Variants in ODF1 observed in about 807,000 individuals in gnomAD.
ODF1 encodes the protein outer dense fiber protein 1.
A neutral mutation model predicts 24.0 loss-of-function variants in ODF1; 10 were observed. That is an observed-to-expected ratio of 0.42 (90% CI 0.26 to 0.71). The LOEUF (loss-of-function observed/expected upper bound fraction) is 0.71. Ranked by LOEUF, ODF1 falls within the 30% of genes least tolerant of loss-of-function variation. ODF1 has a pLI of 0.28. For missense variants in ODF1, 282 were observed against 307.9 expected, an observed-to-expected ratio of 0.92 and a Z score of 0.63; for synonymous variants, 118 against 121.3, an observed-to-expected ratio of 0.97 and a Z score of 0.18.
chr8:102,553,807 C>T (rs1425947547), intron 1 of ODF1, among the ~76,000 whole-genome samples: 2 of 152,324 alleles, frequency 1.3e-5, no homozygotes, highest in Admixed American at 6.5e-5. Flanking sequence ...GCTTAATTCT[C>T]GGCAGTGTAG....
chr8:102,557,890 G>A (rs1324240026), intron 1 of ODF1, among the ~76,000 whole-genome samples: 1 of 152,224 alleles, frequency 6.6e-6, no homozygotes, highest in Non-Finnish European at 1.5e-5. Flanking sequence ...CTTGGCCTTG[G>A]CTGCTCTGGC....
intron 1 of ODF1, among the ~76,000 whole-genome samples, chr8:102,553,409 A>G (rs1826072539): frequency 6.6e-6 from 1 of 150,712 alleles, no homozygotes; most frequent in East Asian, 1.9e-4. Context: ...ATTATTGTCT[A>G]GGTCACCAGC....
chr8:102,552,057 C>T lies in ODF1; in HGVS notation c.320+10C>T. Reference sequence around the variant, plus strand: ...AGCGAGAGCTTGCCAAGTAAAATAACTTATTTTTAAATTTTTATAGTCGGT... The same window carrying T: ...AGCGAGAGCTTGCCAAGTAAAATAATTTATTTTTAAATTTTTATAGTCGGT... On this transcript the variant is annotated intron_variant, in intron 1 of 1. Transcript: ENST00000285402. The T allele has an allele frequency of 6.4e-7, 1 of 1,560,888 alleles. No individual in the cohort carries two copies. Among genetic ancestry groups the T allele is most frequent in the Non-Finnish European group, 8.7e-7 (1 of 1,151,948 alleles).
At position 102,560,874 on chromosome 8, in the gene ODF1, T is replaced by C. The variant is rs1826176668; in HGVS notation, c.743T>C (p.Met248Thr). Residue 248 changes from methionine to threonine, a missense_variant, in exon 2 of 2, where the codon ATG (methionine) becomes ACG (threonine). Coordinates refer to ENST00000285402, the MANE Select transcript of ODF1 (RefSeq NM_024410.4). The part of the protein sequence containing the change: ...PCGSRFSCRK[M>T]IL Reference sequence around the variant, plus strand: ...GGAAGCCGATTTTCCTGTAGGAAGATGATTTTGTAAAGTGCGCATAGGAAC... The same window carrying C: ...GGAAGCCGATTTTCCTGTAGGAAGACGATTTTGTAAAGTGCGCATAGGAAC... 6.2e-7 allele frequency: 1 copy of C among 1,609,896 alleles called. No homozygotes were observed. The highest frequency in any genetic ancestry group is 8.5e-7 in the Non-Finnish European group (1 of 1,177,572).
At chr8:102,560,227 G>A (rs1001710084) in intron 1 of ODF1, among the ~76,000 whole-genome samples, 1 of 147,588 alleles carries the variant, frequency 6.8e-6, no homozygotes, top group Admixed American at 6.7e-5. Flanking sequence ...GGAAGGGCAG[G>A]CAGCACGCAT....
Position 102,560,620 on chromosome 8 carries a change from G to A in ODF1, c.489G>A (p.Ser163=), listed in dbSNP as rs1014554896. The A allele has an allele frequency of 5.0e-6, 8 of 1,614,074 alleles. No individual in the cohort carries two copies. Among genetic ancestry groups the A allele is most frequent in the Admixed American group, 3.3e-5 (2 of 60,010 alleles). ...AGAACAGGTACGACTGCCTTGGATC[G>A]AAAAAGTACAGCTACATGAACATCT... ...ERENRYDCLG[S]KKYSYMNICK... The change falls in exon 2 of 2, where the codon TCG becomes TCA. Residue 163 remains serine (S), a synonymous_variant. Transcript: ENST00000285402.
chr8:102,555,027 G>A (rs1826095408), intron 1 of ODF1, among the ~76,000 whole-genome samples: 1 of 152,068 alleles, frequency 6.6e-6, no homozygotes, highest in Admixed American at 6.6e-5. Context: ...TGCTTCAGAA[G>A]ACACCATGTT....
chr8:102,558,538 T>C (rs1434166024), intron 1 of ODF1, among the ~76,000 whole-genome samples: 1 of 152,228 alleles, frequency 6.6e-6, no homozygotes, highest in Non-Finnish European at 1.5e-5. Flanking sequence ...TTTGCCTCAG[T>C]GTCTTCTGGG....
intron 1 of ODF1, among the ~76,000 whole-genome samples, chr8:102,554,265 G>T (rs983234198): frequency 6.6e-6 from 1 of 152,200 alleles, no homozygotes; most frequent in East Asian, 1.9e-4. Context: ...GAAATATCAT[G>T]TTGATTCAAT....
At chr8:102,558,461 A>AT (rs1181117036) in intron 1 of ODF1, among the ~76,000 whole-genome samples, 1 of 152,174 alleles carries the variant, frequency 6.6e-6, no homozygotes, top group Non-Finnish European at 1.5e-5. Flanking sequence ...CTCAAAAAAA[A>AT]GAAAAAAGAA....
chr8:102,555,680 C>G (rs1826102769), intron 1 of ODF1, among the ~76,000 whole-genome samples: 1 of 152,196 alleles, frequency 6.6e-6, no homozygotes, highest in African/African-American at 2.4e-5. Flanking sequence ...TTGCCCAGGT[C>G]TAAGCCCTCA....
intron 1 of ODF1, among the ~76,000 whole-genome samples, chr8:102,552,817 G>A (rs1408528544): frequency 1.3e-5 from 2 of 152,068 alleles, no homozygotes; most frequent in Admixed American, 1.3e-4. Context: ...GTCTGTTACT[G>A]TTGATGAAAA....
At chr8:102,559,968 T>A (rs1826157420) in intron 1 of ODF1, among the ~76,000 whole-genome samples, 2 of 151,208 alleles carry the variant, frequency 1.3e-5, no homozygotes, top group Admixed American at 1.3e-4. Flanking sequence ...CACAATTTAA[T>A]TACAGTAATA....
rs1826047643 is a variant in ODF1, at chr8:102,551,981, C to T, written c.254C>T (p.Pro85Leu). The change falls in exon 1 of 2, where the codon CCA (proline) becomes CTA (leucine). Residue 85 changes from proline to leucine, a missense_variant. Coordinates refer to ENST00000285402, the MANE Select transcript of ODF1 (RefSeq NM_024410.4). ...GATTATAAGCTTTACTGTCTGCGAC[C>T]ATCTCTCAGAAGTTTGGAGAGGAAA... ...LCDYKLYCLR[P>L]SLRSLERKAI... 1 of 1,613,442 alleles carries T rather than the reference C, an allele frequency of 6.2e-7. No homozygotes were observed. The highest frequency in any genetic ancestry group is 1.1e-5 in the South Asian group (1 of 91,050).
Position 102,560,783 on chromosome 8 carries a change from T to G in ODF1, c.652T>G (p.Cys218Gly), listed in dbSNP as rs759639101. 3.4e-6 allele frequency: 3 copies of G among 887,530 alleles called. No individual in the cohort carries two copies. The highest frequency in any genetic ancestry group is 4.6e-6 in the Non-Finnish European group (3 of 658,192). 55.0% of individuals were successfully genotyped at this position (887,530 alleles called of 1,614,324 possible). ...PCSPCSPCSPCNPCSPCNPCS... is the reference protein window; with the variant it reads ...PCSPCSPCSPGNPCSPCNPCS... ...CAGCCCCTGCAGCCCCTGCAGCCCC[T>G]GCAACCCCTGCAGCCCCTGCAACCC... Residue 218 changes from cysteine to glycine, a missense_variant, in exon 2 of 2, where the codon TGC becomes GGC. By Grantham distance (159) the Cys-to-Gly change is radical. Coordinates refer to ENST00000285402, the MANE Select transcript of ODF1 (RefSeq NM_024410.4).
At chr8:102,554,538 T>C (rs751985036) in intron 1 of ODF1, among the ~76,000 whole-genome samples, 1 of 152,224 alleles carries the variant, frequency 6.6e-6, no homozygotes, top group Non-Finnish European at 1.5e-5. Context: ...CCTCCTTTAA[T>C]AACTGGTAAA....
chr8:102,558,159 A>T (rs1382062933), intron 1 of ODF1, among the ~76,000 whole-genome samples: 1 of 152,172 alleles, frequency 6.6e-6, no homozygotes, highest in Non-Finnish European at 1.5e-5. Flanking sequence ...CAGAGGTAGA[A>T]ATGGGGCTGA....
chr8:102,559,472 A>G (rs2131032325), intron 1 of ODF1, among the ~76,000 whole-genome samples: 1 of 151,850 alleles, frequency 6.6e-6, no homozygotes, highest in East Asian at 1.9e-4. Context: ...AAATATCCTC[A>G]TCATGACTAT....
chr8:102,560,457 G>C lies in ODF1; in HGVS notation c.326G>C (p.Arg109Thr), dbSNP rs1434291062. 1.2e-6 allele frequency: 2 copies of C among 1,613,600 alleles called. No individual in the cohort carries two copies. Among genetic ancestry groups the C allele is most frequent in the Non-Finnish European group, 1.7e-6 (2 of 1,179,520 alleles). ...EDEKRELAKL[R>T]RTTNRILASS... ...ATCCCTTTTCTCAATTCCAGACTGA[G>C]AAGAACAACAAATAGAATTCTGGCT... is the stretch of plus-strand genomic sequence containing the variant. The change falls in exon 2 of 2, where the codon AGA becomes ACA. Residue 109 changes from arginine (R) to threonine (T), a missense_variant. Transcript: ENST00000285402.
Sources: allele counts gnomAD v4.1 joint callset (sites outside exome capture counted in the v4.1 genomes callset), GRCh38; gene constraint gnomAD v4.1.1; transcripts MANE v1.5; gene names NCBI Gene and HGNC (gene_info 2026-07-23, HGNC 2026-07-21).